RUBCN: variants seen among roughly 807,000 people sequenced by gnomAD.
The protein encoded by RUBCN is rubicon autophagy regulator.
In RUBCN, 74 loss-of-function variants were observed where a neutral mutation model predicts 113.2. The observed-to-expected ratio is 0.65, with a 90% CI of 0.54 to 0.79. The LOEUF is 0.79. Among genes scored for constraint, RUBCN ranks in the 30% least tolerant of loss-of-function variants. RUBCN has a pLI of 0.00. For synonymous variants in RUBCN, 480 were observed against 490.0 expected (o/e 0.98, Z 0.27); for missense variants, 1,109 against 1,251.7 (o/e 0.89, Z 1.72).
rs1024032704 is a variant in RUBCN at position 197,730,001 on chromosome 3, G to C, written c.65+6654C>G. The stretch of plus-strand genomic sequence containing the variant: ...CATCCCTGAGTAAAATATTATAGTA[G>C]CTTTGTTTCTGAAAAATTAAACTAG... On this transcript the variant is annotated intron_variant, in intron 1 of 19. Coordinates refer to ENST00000296343, the MANE Select transcript of RUBCN (RefSeq NM_014687.4). 2.6e-5 allele frequency among the ~76,000 whole-genome samples: 4 copies of C among 152,248 alleles called. No individual in the cohort carries two copies. In the East Asian group the frequency reaches 7.7e-4, roughly 29 times the overall value.
intron 2 of RUBCN, among the ~76,000 whole-genome samples, chr3:197,717,020 C>T (rs893539727): frequency 6.6e-6 from 1 of 152,112 alleles, no homozygotes; most frequent in Admixed American, 6.6e-5. Context: ...ACTTGGGAGG[C>T]TGAGGTGGAA....
At position 197,675,523 on chromosome 3, in the gene RUBCN, G is replaced by A; in HGVS notation, c.2647-8C>T. On this transcript the variant is annotated splice_region_variant and splice_polypyrimidine_tract_variant and intron_variant, in intron 18 of 19. Coordinates refer to ENST00000296343, the MANE Select transcript of RUBCN (RefSeq NM_014687.4). This position sits in a 1 kb window ranked among gnomAD's most constrained non-coding sequence, Gnocchi z 4.4. ...GCCTTTGGCTTGGCAGAGCTGGGGAGGAAAAACACAGATGGCAAAATGAGG... is the reference window on the plus strand; with the variant it reads ...GCCTTTGGCTTGGCAGAGCTGGGGAAGAAAAACACAGATGGCAAAATGAGG... 1.2e-6 allele frequency: 2 copies of A among 1,609,480 alleles called. No individual in the cohort carries two copies. Among genetic ancestry groups the A allele is most frequent in the Non-Finnish European group, 1.7e-6 (2 of 1,176,016 alleles).
At chr3:197,725,448 T>TCTCAG (rs1327674410) in intron 1 of RUBCN, among the ~76,000 whole-genome samples, 1 of 151,610 alleles carries the variant, frequency 6.6e-6, no homozygotes, top group East Asian at 1.9e-4. Flanking sequence ...TTATATAGTC[T>TCTCAG]CTCAGCTCTG....
At chr3:197,677,955 C>T (rs1166226764) in intron 16 of RUBCN, among the ~76,000 whole-genome samples, 1 of 141,892 alleles carries the variant, frequency 7.0e-6, no homozygotes, top group Non-Finnish European at 1.5e-5. Context: ...CGCTCTAACT[C>T]GACACCTGGC....
intron 2 of RUBCN, among the ~76,000 whole-genome samples, chr3:197,705,790 G>A (rs1560441991): frequency 6.6e-6 from 1 of 151,950 alleles, no homozygotes; most frequent in Admixed American, 6.6e-5. Context: ...GTGCAGTGGC[G>A]TGATCCAGCT....
chr3:197,712,973 C>A (rs59948152), intron 2 of RUBCN, among the ~76,000 whole-genome samples: 27,343 of 151,848 alleles, frequency 0.18, 3,295 homozygotes, highest in East Asian at 0.35. Flanking sequence ...GATTCTCCTG[C>A]CTCAGCCTCC....
At position 197,681,376 on chromosome 3, in the gene RUBCN, ACCGGAAAG is replaced by A. The variant is rs1721221258; in HGVS notation, c.2192-17_2192-10del. The A allele has an allele frequency of 2.5e-6, 4 of 1,604,992 alleles. No homozygotes were observed. In the African/African-American group the frequency reaches 4.0e-5, roughly 16 times the overall value. ...CAGTCGCTTGATGTAATCTGGAAAA[ACCGGAAAG>A]CCAGAAAGCCAGATGTAACTTTCCC... On this transcript the variant is annotated splice_polypyrimidine_tract_variant and intron_variant, in intron 15 of 19. Coordinates refer to ENST00000296343, the MANE Select transcript of RUBCN (RefSeq NM_014687.4). This position sits in a 1 kb window ranked among gnomAD's most constrained non-coding sequence, Gnocchi z 5.5.
At chr3:197,701,911 AG>A in intron 5 of RUBCN, 47 bp from the exon 6 acceptor site, 1 of 1,583,446 alleles carries the variant, frequency 6.3e-7, no homozygotes, top group East Asian at 2.3e-5. Context: ...TTAAGGACAA[AG>A]GGCCTCAGAG....
At chr3:197,729,971 C>G (rs1056024053) in intron 1 of RUBCN, among the ~76,000 whole-genome samples, 1 of 152,008 alleles carries the variant, frequency 6.6e-6, no homozygotes, top group African/African-American at 2.4e-5. Flanking sequence ...CAGCCAATCA[C>G]TGAACATCCC....
intron 14 of RUBCN, 77 bp downstream of exon 14, chr3:197,682,393 A>T (rs1165987857): frequency 5.8e-6 from 9 of 1,553,038 alleles, no homozygotes; most frequent in Non-Finnish European, 8.0e-6. Context: ...GGCAGGGACA[A>T]GTGGGTGAGA....
At chr3:197,717,871 C>CTCA (rs762614197) in intron 2 of RUBCN, 106 bp downstream of exon 2, 246 of 1,230,050 alleles carry the variant, frequency 2.0e-4, no homozygotes, top group Non-Finnish European at 2.8e-4. Context: ...CACAGCTGCT[C>CTCA]TCAGGAGTCC....
Position 197,674,253 on chromosome 3 carries a change from A to G in RUBCN, c.*765T>C, listed in dbSNP as rs1479215253. On this transcript the variant is annotated 3_prime_UTR_variant, in exon 20 of 20. Coordinates refer to ENST00000296343, the MANE Select transcript of RUBCN (RefSeq NM_014687.4). ...CAGCGACAGAGCTGGCGCCTCACGT[A>G]TGCTTGCGGCGTAAGGCTACAGGTG... The G allele has an allele frequency of 6.4e-6, 1 of 155,454 alleles. No homozygotes were observed. Among genetic ancestry groups the G allele is most frequent in the Admixed American group, 6.5e-5 (1 of 15,316 alleles). The allele number at this position is 155,454 out of a possible 1,614,324, so 9.6% of individuals were successfully genotyped here.
At chr3:197,723,779 C>T (rs1219259638) in intron 1 of RUBCN, among the ~76,000 whole-genome samples, 4 of 152,098 alleles carry the variant, frequency 2.6e-5, no homozygotes, top group Non-Finnish European at 4.4e-5. Context: ...TGCAAGTAAA[C>T]AGATCACAAT....
chr3:197,705,512 C>G (rs1724193353), intron 2 of RUBCN, among the ~76,000 whole-genome samples: 1 of 147,756 alleles, frequency 6.8e-6, no homozygotes, highest in African/African-American at 2.5e-5. Context: ...CTGCAGTGAG[C>G]CATGATTGTG....
chr3:197,747,157 T>G (rs983135734), intron 1 of RUBCN, among the ~76,000 whole-genome samples: 4 of 152,080 alleles, frequency 2.6e-5, no homozygotes, highest in Non-Finnish European at 5.9e-5. Flanking sequence ...TTCTGTTTTG[T>G]GTATGAAAAG....
chr3:197,707,164 T>C (rs1375656602), intron 2 of RUBCN, among the ~76,000 whole-genome samples: 1 of 151,904 alleles, frequency 6.6e-6, no homozygotes, highest in Admixed American at 6.6e-5. Context: ...ACCCCGTCTC[T>C]ACTAAAAATA....
intron 18 of RUBCN, chr3:197,676,078 C>T (rs952798896): frequency 1.1e-5 from 6 of 536,708 alleles, no homozygotes; most frequent in African/African-American, 6.2e-5. Context: ...GAGTAGATGA[C>T]GACAATAACG....
In RUBCN at chr3:197,682,556, G is replaced by T; in HGVS notation, c.2040C>A (p.Ile680=). 2 of 1,614,170 alleles carry T rather than the reference G, an allele frequency of 1.2e-6. No homozygotes were observed. Among genetic ancestry groups the T allele is most frequent in the Non-Finnish European group, 1.7e-6 (2 of 1,180,016 alleles). ...CACGAACACGAATCCGCAGCTTGTA[G>T]ATGTCAGCGTGCTGCCCGTCATCCG... ...ISPDDGQHAD[I]YKLRIRVRGN... Residue 680 remains isoleucine (I), a synonymous_variant, in exon 14 of 20, where the codon ATC becomes ATA. Coordinates refer to ENST00000296343, the MANE Select transcript of RUBCN (RefSeq NM_014687.4).
intron 11 of RUBCN, among the ~76,000 whole-genome samples, chr3:197,693,214 G>C (rs978012123): frequency 3.3e-5 from 5 of 152,168 alleles, no homozygotes; most frequent in Non-Finnish European, 4.4e-5. Flanking sequence ...TAAAAACAGA[G>C]TCTGTGACTG....
Sources: gnomAD v4.1 joint callset for allele counts (sites outside exome capture counted in the v4.1 genomes callset) on GRCh38, gnomAD v4.1.1 for gene constraint, Gnocchi (gnomAD v3.1) non-coding constraint, MANE v1.5 for transcripts, NCBI Gene and HGNC (gene_info 2026-07-23, HGNC 2026-07-21) for gene names.